WDR89: variants seen among roughly 807,000 people sequenced by gnomAD.
WDR89 encodes WD repeat-containing protein 89.
A neutral mutation model predicts 29.1 loss-of-function variants in WDR89; 17 were observed. The ratio of observed to expected loss-of-function variants is 0.58; its 90% CI spans 0.40 to 0.88. The LOEUF (loss-of-function observed/expected upper bound fraction) is 0.88, where lower values mean the gene tolerates loss of function less well. Ranked by LOEUF, WDR89 falls within the 40% of genes least tolerant of loss-of-function variation. The pLI is 0.00. For synonymous variants in WDR89, 138 were observed against 157.8 expected, an observed-to-expected ratio of 0.87 and a Z score of 0.94; for missense variants, 396 against 456.3, an observed-to-expected ratio of 0.87 and a Z score of 1.20.
chr14:63,601,439 T>A (rs1373272427), intron 2 of WDR89: 1 of 940,274 alleles, frequency 1.1e-6, no homozygotes, highest in Non-Finnish European at 1.7e-6. Flanking sequence ...CAGAAAAACA[T>A]GCATGCCTAG....
chr14:63,628,450 G>A (rs1416617228), intron 1 of WDR89, among the ~76,000 whole-genome samples: 1 of 152,104 alleles, frequency 6.6e-6, no homozygotes, highest in Non-Finnish European at 1.5e-5. Flanking sequence ...AAATTGGCAA[G>A]CTCTATGAAG....
intron 2 of WDR89, among the ~76,000 whole-genome samples, chr14:63,620,229 T>C (rs889756008): frequency 2.6e-5 from 4 of 152,096 alleles, no homozygotes; most frequent in South Asian, 2.1e-4. Context: ...TTTGTGTACA[T>C]ACACAATAGA....
At chr14:63,609,592 C>A (rs918945994) in intron 2 of WDR89, among the ~76,000 whole-genome samples, 1 of 152,078 alleles carries the variant, frequency 6.6e-6, no homozygotes, top group Non-Finnish European at 1.5e-5. Context: ...GAGTTGGAGA[C>A]CAGCCTGGCC....
intron 1 of WDR89, among the ~76,000 whole-genome samples, chr14:63,629,541 A>G (rs1419178687): frequency 6.6e-6 from 1 of 152,224 alleles, no homozygotes; most frequent in Admixed American, 6.5e-5. Flanking sequence ...GATCTTCCAC[A>G]GTCCACAATG....
At chr14:63,604,362 A>C (rs1895215882) in intron 2 of WDR89, among the ~76,000 whole-genome samples, 1 of 152,154 alleles carries the variant, frequency 6.6e-6, no homozygotes, top group African/African-American at 2.4e-5. Flanking sequence ...GCAATGAGCC[A>C]AGATCATGCC....
chr14:63,599,830 C>G lies in WDR89; in HGVS notation c.113G>C (p.Gly38Ala). Reference protein sequence around the residue: ...GIDTSKTVQAGKENLVAVLCS... With the variant: ...GIDTSKTVQAAKENLVAVLCS... ...TAAAACAGCAACCAAGTTTTCCTTT[C>G]CTGCTTGGACAGTCTTTGATGTGTC... The change falls in exon 3 of 3, where the codon GGA becomes GCA. Residue 38 changes from glycine (G) to alanine (A), a missense_variant. Physicochemically the swap from Gly to Ala is moderately conservative, Grantham distance 60 (BLOSUM62 0). Transcript: ENST00000620954. The G allele has an allele frequency of 6.2e-7, 1 of 1,614,120 alleles. No individual in the cohort carries two copies. The highest frequency in any genetic ancestry group is 1.3e-5 in the African/African-American group (1 of 75,048).
Position 63,626,676 on chromosome 14 carries a change from C to CAAAAAAAAAAAAAAAAAA in WDR89, c.-137-1661_-137-1644dup, listed in dbSNP as rs35582220. On this transcript the variant is annotated intron_variant, in intron 1 of 2. Coordinates refer to ENST00000620954, the MANE Select transcript of WDR89 (RefSeq NM_080666.4). ...CCTGGGCTACAGAGTGAGACTGTCT[C>CAAAAAAAAAAAAAAAAAA]AAAAAAAAAAAAAAAAAAAAAAAAA... 8.7e-5 allele frequency among the ~76,000 whole-genome samples: 3 copies of CAAAAAAAAAAAAAAAAAA among 34,588 alleles called. 1 individual carries two copies. Among genetic ancestry groups the CAAAAAAAAAAAAAAAAAA allele is most frequent in the South Asian group, 1.3e-3 (1 of 750 alleles). The allele number at this position is 34,588 out of a possible 152,430, so 22.7% of individuals were successfully genotyped here.
chr14:63,601,595 C>T, intron 2 of WDR89: 1 of 1,612,278 alleles, frequency 6.2e-7, no homozygotes, highest in Non-Finnish European at 8.5e-7. Flanking sequence ...CCAAAGGAGG[C>T]ATTATGCTTC....
At chr14:63,604,654 T>C (rs552007227) in intron 2 of WDR89, among the ~76,000 whole-genome samples, 1 of 152,338 alleles carries the variant, frequency 6.6e-6, no homozygotes, top group Non-Finnish European at 1.5e-5. Flanking sequence ...TTCTTGCAAT[T>C]TGCTCTTTTC....
chr14:63,641,499 G>A (rs914131049), intron 1 of WDR89: 2 of 152,304 alleles, frequency 1.3e-5, no homozygotes, highest in African/African-American at 4.8e-5. Context: ...CCCTGAAAAT[G>A]AGCAAGGGCG....
At chr14:63,641,599 G>T (rs1469243914) in intron 1 of WDR89, among the ~76,000 whole-genome samples, 2 of 152,264 alleles carry the variant, frequency 1.3e-5, no homozygotes, top group Non-Finnish European at 2.9e-5. Context: ...TTTGGCCAGG[G>T]CCAGCACAGG....
chr14:63,609,746 C>T (rs1304644031), intron 2 of WDR89, among the ~76,000 whole-genome samples: 18 of 151,714 alleles, frequency 1.2e-4, no homozygotes, highest in Non-Finnish European at 1.9e-4. Context: ...GCCAAGATCG[C>T]GCCACTGCAC....
chr14:63,606,077 C>A (rs539053710), intron 2 of WDR89, among the ~76,000 whole-genome samples: 1 of 151,924 alleles, frequency 6.6e-6, no homozygotes, highest in South Asian at 2.1e-4. Context: ...CTCACTGCAG[C>A]CTCAACCTCC....
intron 2 of WDR89, among the ~76,000 whole-genome samples, chr14:63,603,465 T>C (rs556127561): frequency 1.3e-5 from 2 of 152,332 alleles, no homozygotes; most frequent in East Asian, 3.9e-4. Context: ...ATCTATTAAT[T>C]GTCCTTGCCT....
rs765675041 is a variant in WDR89, at chr14:63,617,445, C to T, written c.-32+7483G>A. Among the ~76,000 whole-genome samples the T allele has an allele frequency of 4.6e-5, 7 of 151,986 alleles. No homozygotes were observed. In the Middle Eastern group the frequency reaches 0.01, roughly 223 times the overall value. On this transcript the variant is annotated intron_variant, in intron 2 of 2. Coordinates refer to ENST00000620954, the MANE Select transcript of WDR89 (RefSeq NM_080666.4). ...TTTGATAATTATCCAGTTGCTTATA[C>T]AGGCCTTACTGATAAACTGTGGTAT...
chr14:63,634,291 G>A (rs1043652162), intron 1 of WDR89, among the ~76,000 whole-genome samples: 8 of 152,184 alleles, frequency 5.3e-5, no homozygotes, highest in Non-Finnish European at 1.2e-4. Flanking sequence ...GGAGCCCAAG[G>A]CGGGTGGATC....
intron 2 of WDR89, among the ~76,000 whole-genome samples, chr14:63,620,487 C>T (rs983182177): frequency 3.3e-5 from 5 of 151,986 alleles, no homozygotes; most frequent in African/African-American, 9.7e-5. Context: ...AGGGAGATGT[C>T]GATCAAAGGG....
In WDR89 at chr14:63,597,984, T is replaced by C. The variant is rs899341326; in HGVS notation, c.*795A>G. The C allele has an allele frequency of 4.6e-5, 7 of 151,974 alleles. No homozygotes were observed. Among genetic ancestry groups the C allele is most frequent in the African/African-American group, 1.7e-4 (7 of 41,356 alleles). The allele number at this position is 151,974 out of a possible 1,614,324, so 9.4% of individuals were successfully genotyped here. Reference sequence around the variant, plus strand: ...AGGATAGCTGACAGACGTTAGGAGGTGAAATGGCACAGGACTTGGTGAAAA... The same window carrying C: ...AGGATAGCTGACAGACGTTAGGAGGCGAAATGGCACAGGACTTGGTGAAAA... On this transcript the variant is annotated 3_prime_UTR_variant, in exon 3 of 3. Transcript: ENST00000620954.
At chr14:63,622,791 A>G (rs1431411820) in intron 2 of WDR89, among the ~76,000 whole-genome samples, 2 of 152,160 alleles carry the variant, frequency 1.3e-5, no homozygotes, top group Non-Finnish European at 2.9e-5. Context: ...AATAAATAAA[A>G]TGCATGACAA....
Sources: gnomAD v4.1 joint callset for allele counts (sites outside exome capture counted in the v4.1 genomes callset) on GRCh38, gnomAD v4.1.1 for gene constraint, MANE v1.5 for transcripts, NCBI Gene and HGNC (gene_info 2026-07-23, HGNC 2026-07-21) for gene names.